DSC3: variants seen among roughly 807,000 people sequenced by gnomAD.
DSC3 encodes desmocollin-3.
In DSC3, 97 loss-of-function variants were observed where a neutral mutation model predicts 89.5. The observed-to-expected ratio is 1.08, with a 90% CI of 0.92 to 1.28. The LOEUF (loss-of-function observed/expected upper bound fraction) is 1.28. DSC3 is among the 50% of genes most tolerant of loss of function. The pLI, the probability that DSC3 is intolerant of heterozygous loss-of-function variation, is 0.00. For synonymous variants in DSC3, 436 were observed against 384.1 expected (o/e 1.14, Z -1.58); for missense variants, 1,199 against 1,085.3 (o/e 1.10, Z -1.47).
rs1269648120 is a variant in DSC3, at chr18:30,991,400, A to G, written c.*2775T>C. 1 of 152,656 alleles carries G rather than the reference A, an allele frequency of 6.6e-6. No individual in the cohort carries two copies. Among genetic ancestry groups the G allele is most frequent in the Non-Finnish European group, 1.5e-5 (1 of 68,044 alleles). The allele number at this position is 152,656 out of a possible 1,614,324, so 9.5% of individuals were successfully genotyped here. ...ACATATAAGGAAATAATAATACTAC[A>G]TATGTGAAAATATAGAAATGAATCC... is the stretch of plus-strand genomic sequence containing the variant. On this transcript the variant is annotated 3_prime_UTR_variant, in exon 16 of 16. Coordinates refer to ENST00000360428, the MANE Select transcript of DSC3 (RefSeq NM_001941.5).
chr18:31,039,946 C>T (rs1216222792), intron 1 of DSC3, among the ~76,000 whole-genome samples: 1 of 152,120 alleles, frequency 6.6e-6, no homozygotes, highest in Non-Finnish European at 1.5e-5. Flanking sequence ...CTTCTTGTCA[C>T]AAATGTAAAA....
Position 30,990,862 on chromosome 18 carries a change from G to A in DSC3, c.*3313C>T, listed in dbSNP as rs1222578800. 1 of 152,104 alleles carries A rather than the reference G, an allele frequency of 6.6e-6. No individual in the cohort carries two copies. Among genetic ancestry groups the A allele is most frequent in the Non-Finnish European group, 1.5e-5 (1 of 68,036 alleles). The allele number at this position is 152,104 out of a possible 1,614,324, so 9.4% of individuals were successfully genotyped here. On this transcript the variant is annotated 3_prime_UTR_variant, in exon 16 of 16. Coordinates refer to ENST00000360428, the MANE Select transcript of DSC3 (RefSeq NM_001941.5). Reference sequence around the variant, plus strand: ...ATCATAGATACTCATCTGTAAAGCTGTGCTTCAAAATAGTGATCTCTTCCC... The same window carrying A: ...ATCATAGATACTCATCTGTAAAGCTATGCTTCAAAATAGTGATCTCTTCCC...
chr18:30,991,345 C>A lies in DSC3; in HGVS notation c.*2830G>T, dbSNP rs1170386286. The A allele has an allele frequency of 6.6e-6, 1 of 152,566 alleles. No individual in the cohort carries two copies. Among genetic ancestry groups the A allele is most frequent in the South Asian group, 2.1e-4 (1 of 4,818 alleles). The allele number at this position is 152,566 out of a possible 1,614,324, so 9.5% of individuals were successfully genotyped here. On this transcript the variant is annotated 3_prime_UTR_variant, in exon 16 of 16. Transcript: ENST00000360428. ...AAAGCTTTAAAAATATATTTTCTTG[C>A]ACACTCAAATACCATAAATTTCACC... is the stretch of plus-strand genomic sequence containing the variant.
chr18:31,007,965 T>C, intron 11 of DSC3, 51 bp downstream of exon 11: 1 of 1,487,618 alleles, frequency 6.7e-7, no homozygotes, highest in Non-Finnish European at 9.3e-7. Context: ...AATAATTACA[T>C]TTTATTCTCT....
intron 2 of DSC3, 110 bp from the exon 3 acceptor site, chr18:31,031,282 C>G: frequency 1.3e-6 from 1 of 753,262 alleles, no homozygotes; most frequent in Non-Finnish European, 2.1e-6. Flanking sequence ...TGAAATAAGC[C>G]AATCACTTTG....
intron 9 of DSC3, among the ~76,000 whole-genome samples, chr18:31,016,379 G>T (rs1432476169): frequency 6.6e-6 from 1 of 152,180 alleles, no homozygotes; most frequent in Non-Finnish European, 1.5e-5. Context: ...TCTGGGCTGA[G>T]CCCCAATTTT....
At chr18:31,003,009 A>G (rs1476931003) in intron 13 of DSC3, among the ~76,000 whole-genome samples, 1 of 152,048 alleles carries the variant, frequency 6.6e-6, no homozygotes, top group Non-Finnish European at 1.5e-5. Context: ...CTCTCACCAC[A>G]CTGGTTTCCC....
chr18:31,022,653 A>T, intron 6 of DSC3, 151 bp from the exon 7 acceptor site: 1 of 972,694 alleles, frequency 1.0e-6, no homozygotes, highest in African/African-American at 1.6e-5. Flanking sequence ...TTTAGATAGG[A>T]CTGAAGAGGA....
chr18:31,008,120 A>G lies in DSC3; in HGVS notation c.1559T>C (p.Ile520Thr), dbSNP rs537656869. 52 of 1,612,846 alleles carry G rather than the reference A, an allele frequency of 3.2e-5. No individual in the cohort carries two copies. In the South Asian group the frequency reaches 4.3e-4, roughly 13 times the overall value. The change falls in exon 11 of 16, where the codon ATT becomes ACT. Residue 520 changes from isoleucine to threonine, a missense_variant. Transcript: ENST00000360428. ...KLHDPKGWIT[I>T]DEISGSIITS... ...TATGATTGACCCTGAAATTTCATCA[A>G]TGGTGATCCAACCTTTAGGATCATG...
intron 13 of DSC3, 66 bp from the exon 14 acceptor site, chr18:31,001,805 A>G (rs1192893033): frequency 2.3e-5 from 30 of 1,292,016 alleles, no homozygotes; most frequent in Non-Finnish European, 3.2e-5. Context: ...ATCATCATTT[A>G]TTTCTTACGA....
intron 12 of DSC3, 89 bp from the exon 13 acceptor site, chr18:31,004,455 A>G (rs1984771289): frequency 8.4e-7 from 1 of 1,190,798 alleles, no homozygotes; most frequent in Non-Finnish European, 1.2e-6. Flanking sequence ...TGAAGGCGTC[A>G]TTCTCAAGGA....
intron 9 of DSC3, among the ~76,000 whole-genome samples, chr18:31,009,177 T>C (rs1014988292): frequency 2.0e-5 from 3 of 152,058 alleles, no homozygotes; most frequent in African/African-American, 4.8e-5. Flanking sequence ...CAGCCTCCCA[T>C]GTAGCTGGGA....
intron 9 of DSC3, among the ~76,000 whole-genome samples, chr18:31,015,055 A>G (rs1985189528): frequency 6.6e-6 from 1 of 152,210 alleles, no homozygotes; most frequent in East Asian, 1.9e-4. Context: ...AAGGAACTTG[A>G]TTCATGGTAG....
chr18:31,018,265 GAAAGA>G lies in DSC3; in HGVS notation c.1078-14_1078-10del, dbSNP rs771666650. ...TCTACAAATGCTTCATACTGAAACAGAAAGAAGTCATTGAAAATTGAAATTTTATT... is the reference window on the plus strand; with the variant it reads ...TCTACAAATGCTTCATACTGAAACAGAGTCATTGAAAATTGAAATTTTATT... On this transcript the variant is annotated splice_polypyrimidine_tract_variant and intron_variant, in intron 8 of 15. Coordinates refer to ENST00000360428, the MANE Select transcript of DSC3 (RefSeq NM_001941.5). 7 of 1,597,218 alleles carry G rather than the reference GAAAGA, an allele frequency of 4.4e-6. No individual in the cohort carries two copies. The highest frequency in any genetic ancestry group is 6.0e-6 in the Non-Finnish European group (7 of 1,173,954).
At chr18:31,020,420 A>G (rs1985378879) in intron 7 of DSC3, among the ~76,000 whole-genome samples, 1 of 152,202 alleles carries the variant, frequency 6.6e-6, no homozygotes, top group Non-Finnish European at 1.5e-5. Context: ...CCAGCAATAG[A>G]CAAGGACTTA....
chr18:31,024,177 G>A (rs960455418), intron 6 of DSC3, among the ~76,000 whole-genome samples, 172 bp downstream of exon 6: 6 of 152,000 alleles, frequency 3.9e-5, no homozygotes, highest in African/African-American at 1.4e-4. Context: ...GTACTATCTG[G>A]GCAAGGCACA....
At position 30,990,860 on chromosome 18, in the gene DSC3, C is replaced by G. The variant is rs1263474795; in HGVS notation, c.*3315G>C. ...GTATCATAGATACTCATCTGTAAAG[C>G]TGTGCTTCAAAATAGTGATCTCTTC... On this transcript the variant is annotated 3_prime_UTR_variant, in exon 16 of 16. Transcript: ENST00000360428. 6.6e-6 allele frequency: 1 copy of G among 152,152 alleles called. No homozygotes were observed. The highest frequency in any genetic ancestry group is 2.4e-5 in the African/African-American group (1 of 41,422). The allele number at this position is 152,152 out of a possible 1,614,324, so 9.4% of individuals were successfully genotyped here. A position where few individuals can be genotyped will look rare whatever the true frequency, so the allele number is the denominator to read the frequency against.
chr18:31,003,072 A>C (rs1295787230), intron 13 of DSC3, among the ~76,000 whole-genome samples: 1 of 148,138 alleles, frequency 6.8e-6, no homozygotes, highest in African/African-American at 2.7e-5. Context: ...CATTCCATTG[A>C]CTTCCCTCTC....
At chr18:31,034,086 A>C (rs144614077) in intron 1 of DSC3, among the ~76,000 whole-genome samples, 2,686 of 152,298 alleles carry the variant, frequency 0.018, 46 homozygotes, top group Middle Eastern at 0.037. Context: ...CGGCCTCCCA[A>C]AGTGCTGGGA....
Sources: gnomAD v4.1 joint callset for allele counts (sites outside exome capture counted in the v4.1 genomes callset) on GRCh38, gnomAD v4.1.1 for gene constraint, MANE v1.5 for transcripts, NCBI Gene and HGNC (gene_info 2026-07-23, HGNC 2026-07-21) for gene names.